The following CNTNAP4 variants were observed in gnomAD, a reference collection of about 807,000 sequenced individuals.
CNTNAP4 encodes contactin-associated protein-like 4.
In CNTNAP4, 98 loss-of-function variants were observed where a neutral mutation model predicts 148.4. That is an observed-to-expected ratio of 0.66 (90% CI 0.56 to 0.78). The LOEUF is 0.78. Ranked by LOEUF, CNTNAP4 falls within the 30% of genes least tolerant of loss-of-function variation. The pLI is 0.00. For synonymous variants in CNTNAP4, 730 were observed against 565.1 expected (o/e 1.29, Z -4.14); for missense variants, 1,935 against 1,565.6 (o/e 1.24, Z -3.98).
At chr16:76,551,156 T>C (rs940495707) in intron 21 of CNTNAP4, among the ~76,000 whole-genome samples, 11 of 152,198 alleles carry the variant, frequency 7.2e-5, no homozygotes, top group African/African-American at 2.6e-4. Flanking sequence ...ATGCCTATAA[T>C]CTCAGCAACG....
intron 15 of CNTNAP4, among the ~76,000 whole-genome samples, chr16:76,503,627 C>G (rs1597760368): frequency 6.6e-6 from 1 of 152,068 alleles, no homozygotes; most frequent in South Asian, 2.1e-4. Context: ...GTGCTGCACC[C>G]ATTAACTCGT....
chr16:76,485,096 C>T lies in CNTNAP4; in HGVS notation c.1883-4590C>T, dbSNP rs182673608. Reference sequence around the variant, plus strand: ...AGTAAGGTGAATCCCAGGGGCTGTCCGTATTGCTTTTTCTTTTCTTTTCTT... The same window carrying T: ...AGTAAGGTGAATCCCAGGGGCTGTCTGTATTGCTTTTTCTTTTCTTTTCTT... On this transcript the variant is annotated intron_variant, in intron 12 of 23. Coordinates refer to ENST00000611870, the MANE Select transcript of CNTNAP4 (RefSeq NM_033401.5). Among the ~76,000 whole-genome samples, 5 of 152,014 alleles carry T rather than the reference C, an allele frequency of 3.3e-5. No homozygotes were observed. The East Asian group carries it at 5.8e-4, about 18-fold the overall frequency.
intron 21 of CNTNAP4, among the ~76,000 whole-genome samples, chr16:76,543,813 G>A (rs928737131): frequency 6.6e-6 from 1 of 152,326 alleles, no homozygotes; most frequent in Middle Eastern, 3.4e-3. Context: ...GAGCCCAGCA[G>A]TGGGGACCCT....
At chr16:76,403,058 A>T (rs1300319122) in intron 3 of CNTNAP4, among the ~76,000 whole-genome samples, 4 of 152,034 alleles carry the variant, frequency 2.6e-5, no homozygotes, top group Admixed American at 6.5e-5. Context: ...AAAACGCGGG[A>T]AAAGGACATG....
rs916167181 is a variant in CNTNAP4, at chr16:76,513,473, C to A, written c.2366-7667C>A. ...TTCTTTAAAACCCGATGTTTATACA[C>A]AGTCCCACATAAGGATTTGTAACTA... On this transcript the variant is annotated intron_variant, in intron 15 of 23. Transcript: ENST00000611870. 5.3e-5 allele frequency among the ~76,000 whole-genome samples: 8 copies of A among 152,152 alleles called. 1 individual carries two copies. Among genetic ancestry groups the A allele is most frequent in the African/African-American group, 1.9e-4 (8 of 41,426 alleles).
chr16:76,427,628 C>G (rs534049173), intron 4 of CNTNAP4, 29 bp downstream of exon 4: 1 of 1,557,700 alleles, frequency 6.4e-7, no homozygotes, highest in South Asian at 1.2e-5. Context: ...AATACACTGA[C>G]ATAGATATCA....
At chr16:76,462,210 A>G in intron 9 of CNTNAP4, 105 bp downstream of exon 9, 1 of 997,682 alleles carries the variant, frequency 1.0e-6, no homozygotes, top group East Asian at 2.7e-5. Context: ...ATACTAAGGA[A>G]TAATTTTTCA....
chr16:76,317,708 AGT>A (rs146648270), intron 2 of CNTNAP4, among the ~76,000 whole-genome samples: 28 of 150,486 alleles, frequency 1.9e-4, no homozygotes, highest in South Asian at 6.3e-4. Context: ...AATAGGTAAG[AGT>A]GTGTGTGTGT....
At chr16:76,468,461 G>C (rs1038187737) in intron 10 of CNTNAP4, among the ~76,000 whole-genome samples, 1 of 151,988 alleles carries the variant, frequency 6.6e-6, no homozygotes, top group African/African-American at 2.4e-5. Context: ...GCGACAGAGC[G>C]AGACTCTGGC....
intron 13 of CNTNAP4, 54 bp from the exon 14 acceptor site, chr16:76,494,856 G>A (rs933548985): frequency 2.4e-5 from 36 of 1,524,730 alleles, no homozygotes; most frequent in Admixed American, 1.8e-4. Context: ...TATATTGGGA[G>A]AGAAGGTGGT....
At chr16:76,394,284 A>G (rs1214282420) in intron 3 of CNTNAP4, among the ~76,000 whole-genome samples, 1 of 152,242 alleles carries the variant, frequency 6.6e-6, no homozygotes, top group Non-Finnish European at 1.5e-5. Context: ...TCTGTAAATC[A>G]CAGATGCTCT....
At chr16:76,423,608 A>T (rs954806271) in intron 3 of CNTNAP4, among the ~76,000 whole-genome samples, 5 of 152,338 alleles carry the variant, frequency 3.3e-5, no homozygotes, top group African/African-American at 9.6e-5. Flanking sequence ...AAAGGAATAC[A>T]TTTGAAACTC....
chr16:76,372,700 C>G (rs2014982808), intron 3 of CNTNAP4, among the ~76,000 whole-genome samples: 1 of 152,126 alleles, frequency 6.6e-6, no homozygotes, highest in African/African-American at 2.4e-5. Flanking sequence ...CCACATGGAA[C>G]TAAGTCCATT....
intron 17 of CNTNAP4, among the ~76,000 whole-genome samples, chr16:76,527,765 A>G (rs2083803086): frequency 6.6e-6 from 1 of 152,152 alleles, no homozygotes; most frequent in Non-Finnish European, 1.5e-5. Context: ...ACTATGTCAG[A>G]TTATAGATTT....
intron 3 of CNTNAP4, among the ~76,000 whole-genome samples, chr16:76,401,725 A>G (rs748855332): frequency 3.3e-5 from 5 of 152,056 alleles, no homozygotes; most frequent in East Asian, 1.9e-4. Flanking sequence ...TTCAATACCT[A>G]GTTTATTGAG....
intron 10 of CNTNAP4, among the ~76,000 whole-genome samples, chr16:76,474,333 A>G (rs996344497): frequency 6.6e-6 from 1 of 152,232 alleles, no homozygotes; most frequent in Non-Finnish European, 1.5e-5. Flanking sequence ...CAAAGAAAGA[A>G]TTGATCACTG....
At chr16:76,534,999 T>A (rs2084155029) in intron 17 of CNTNAP4, among the ~76,000 whole-genome samples, 1 of 152,282 alleles carries the variant, frequency 6.6e-6, no homozygotes, top group African/African-American at 2.4e-5. Flanking sequence ...AGAAAAACAA[T>A]CACTGGGAAA....
chr16:76,414,888 T>A (rs2078921714), intron 3 of CNTNAP4, among the ~76,000 whole-genome samples: 1 of 151,346 alleles, frequency 6.6e-6, no homozygotes, highest in Non-Finnish European at 1.5e-5. Flanking sequence ...TGTCTCCTAT[T>A]TTTTTCTTTC....
At chr16:76,400,055 A>G (rs1432060268) in intron 3 of CNTNAP4, among the ~76,000 whole-genome samples, 1 of 152,206 alleles carries the variant, frequency 6.6e-6, no homozygotes, top group East Asian at 1.9e-4. Flanking sequence ...GTGTATAGCA[A>G]TGTGCTTAAT....
Sources: allele counts gnomAD v4.1 joint callset (sites outside exome capture counted in the v4.1 genomes callset), GRCh38; gene constraint gnomAD v4.1.1; transcripts MANE v1.5; gene names NCBI Gene and HGNC (gene_info 2026-07-23, HGNC 2026-07-21).